SH2D3C: variants seen among roughly 807,000 people sequenced by gnomAD.
The protein encoded by SH2D3C is SH2 domain-containing protein 3C.
A neutral mutation model predicts 75.2 loss-of-function variants in SH2D3C; 25 were observed. The observed-to-expected ratio is 0.33, with a 90% confidence interval of 0.24 to 0.46. The LOEUF is 0.46. Among genes scored for constraint, SH2D3C ranks in the 20% least tolerant of loss-of-function variants. The pLI is 1.00. For synonymous variants in SH2D3C, 450 were observed against 473.7 expected, an observed-to-expected ratio of 0.95 and a Z score of 0.65; for missense variants, 933 against 1,165.3, an observed-to-expected ratio of 0.80 and a Z score of 2.90.
chr9:127,757,153 G>A (rs140257157), intron 3 of SH2D3C, among the ~76,000 whole-genome samples: 6 of 149,632 alleles, frequency 4.0e-5, no homozygotes, highest in Non-Finnish European at 8.9e-5. Context: ...ATGTTGGCCA[G>A]GCTGGTCTTG....
chr9:127,766,290 C>T (rs1220724451), intron 2 of SH2D3C, among the ~76,000 whole-genome samples: 2 of 152,256 alleles, frequency 1.3e-5, no homozygotes, highest in African/African-American at 4.8e-5. Context: ...GGAGACCTCC[C>T]CAACCTCTGC....
intron 2 of SH2D3C, among the ~76,000 whole-genome samples, chr9:127,767,943 G>C (rs1845665557): frequency 6.6e-6 from 1 of 152,200 alleles, no homozygotes; most frequent in African/African-American, 2.4e-5. Context: ...GCCTGCAACT[G>C]GGTCCCCTGG....
At chr9:127,772,463 C>T (rs1450461121) in intron 2 of SH2D3C, among the ~76,000 whole-genome samples, 1 of 152,078 alleles carries the variant, frequency 6.6e-6, no homozygotes, top group Non-Finnish European at 1.5e-5. Flanking sequence ...AGGCTGGTCT[C>T]TTTGGCCAGG....
chr9:127,760,712 T>C lies in SH2D3C; in HGVS notation c.555+899A>G, dbSNP rs113723633. On this transcript the variant is annotated intron_variant, in intron 3 of 11. Coordinates refer to ENST00000314830, the MANE Select transcript of SH2D3C (RefSeq NM_170600.3). ...GCACAAGAAGGCTCTCCCTACCCAG[T>C]GATGAGGGAGAAAATCAAATACCTC... Among the ~76,000 whole-genome samples the C allele has an allele frequency of 8.9e-3, 1,360 of 152,144 alleles. 11 individuals are homozygous for C. The highest frequency in any genetic ancestry group is 0.014 in the Non-Finnish European group (971 of 68,002).
rs770369098 is a variant in SH2D3C at position 127,749,635 on chromosome 9, C to T, written c.715G>A (p.Asp239Asn). The T allele has an allele frequency of 3.2e-6, 5 of 1,569,148 alleles. No homozygotes were observed. The highest frequency in any genetic ancestry group is 1.4e-5 in the African/African-American group (1 of 73,828). ...VSETLVQRNG[D>N]FLIRDSLTSL... Reference sequence around the variant, plus strand: ...GTGAGTGAGTCCCGGATGAGGAAGTCGCCGTTGCGTTGTACCAAGGTCTCC... The same window carrying T: ...GTGAGTGAGTCCCGGATGAGGAAGTTGCCGTTGCGTTGTACCAAGGTCTCC... The change falls in exon 5 of 12, where the codon GAC (aspartate) becomes AAC (asparagine). Residue 239 changes from aspartate to asparagine, a missense_variant. Asp to Asn is a conservative substitution (Grantham distance 23). Transcript: ENST00000314830. This position sits in a 1 kb window ranked among gnomAD's most constrained non-coding sequence, Gnocchi z 5.9.
chr9:127,747,962 C>G (rs1218187715), intron 5 of SH2D3C, among the ~76,000 whole-genome samples: 3 of 152,162 alleles, frequency 2.0e-5, no homozygotes, highest in Non-Finnish European at 2.9e-5. Context: ...CCAGCTGAGC[C>G]AACACTTCTC....
chr9:127,749,201 C>G lies in SH2D3C; in HGVS notation c.1139+10G>C, dbSNP rs377345507. 1 of 1,539,700 alleles carries G rather than the reference C, an allele frequency of 6.5e-7. No homozygotes were observed. The highest frequency in any genetic ancestry group is 1.4e-5 in the African/African-American group (1 of 73,232). ...CACAACCCCATTTGACAAATGGGGC[C>G]CTGGCTGACCTGGTGGGGCAGCCAT... On this transcript the variant is annotated intron_variant, in intron 5 of 11. Transcript: ENST00000314830. This position sits in a 1 kb window ranked among gnomAD's most constrained non-coding sequence, Gnocchi z 5.9.
At chr9:127,766,572 T>C (rs1356980872) in intron 2 of SH2D3C, among the ~76,000 whole-genome samples, 3 of 152,064 alleles carry the variant, frequency 2.0e-5, no homozygotes, top group Non-Finnish European at 4.4e-5. Flanking sequence ...TGTTTGTTTG[T>C]TTGTTTGTTT....
At chr9:127,777,830 A>T (rs1446266951) in intron 1 of SH2D3C, among the ~76,000 whole-genome samples, 1 of 152,082 alleles carries the variant, frequency 6.6e-6, no homozygotes, top group Non-Finnish European at 1.5e-5. Flanking sequence ...AGAAGCAGAG[A>T]CGTCTGCAGA....
intron 8 of SH2D3C, 162 bp downstream of exon 8, chr9:127,742,687 G>A (rs1844898472): frequency 3.5e-6 from 2 of 578,804 alleles, no homozygotes; most frequent in Non-Finnish European, 6.2e-6. Context: ...AGCCTGTTTA[G>A]AGCGGGTTAT....
intron 2 of SH2D3C, among the ~76,000 whole-genome samples, chr9:127,770,072 G>A (rs61411383): frequency 0.089 from 13,603 of 152,114 alleles, 1,440 homozygotes; most frequent in African/African-American, 0.26. Context: ...ATTGAGGAGG[G>A]AGGGTGCCTC....
chr9:127,753,669 C>T (rs1001940266), intron 3 of SH2D3C, among the ~76,000 whole-genome samples: 2 of 152,202 alleles, frequency 1.3e-5, no homozygotes, highest in Non-Finnish European at 1.5e-5. Flanking sequence ...TCTCACTCTG[C>T]GGTGCTCACA....
At chr9:127,776,967 C>T (rs1302926823) in intron 1 of SH2D3C, among the ~76,000 whole-genome samples, 1 of 152,182 alleles carries the variant, frequency 6.6e-6, no homozygotes, top group Non-Finnish European at 1.5e-5. Context: ...TTCTCAGCAC[C>T]ACTGGTTTTG....
At chr9:127,764,701 T>G (rs1845600495) in intron 2 of SH2D3C, among the ~76,000 whole-genome samples, 1 of 152,094 alleles carries the variant, frequency 6.6e-6, no homozygotes, top group Non-Finnish European at 1.5e-5. Context: ...TGCTCTTTGT[T>G]GTTGTTGTTG....
chr9:127,739,615 G>A lies in SH2D3C; in HGVS notation c.2407+67C>T. On this transcript the variant is annotated intron_variant, in intron 11 of 11. Coordinates refer to ENST00000314830, the MANE Select transcript of SH2D3C (RefSeq NM_170600.3). The surrounding 1 kb of genome is among the most constrained non-coding windows in gnomAD (Gnocchi z 4.3). ...GTGAATGGATGCCTTGGAGAAAAGGGAAGCAGTGAGGCAGGTGGAGGGAGG... is the reference window on the plus strand; with the variant it reads ...GTGAATGGATGCCTTGGAGAAAAGGAAAGCAGTGAGGCAGGTGGAGGGAGG... The A allele has an allele frequency of 7.0e-7, 1 of 1,424,224 alleles. No individual in the cohort carries two copies. Among genetic ancestry groups the A allele is most frequent in the Non-Finnish European group, 9.7e-7 (1 of 1,033,612 alleles). The allele number at this position is 1,424,224 out of a possible 1,614,324, so 88.2% of individuals were successfully genotyped here.
intron 3 of SH2D3C, among the ~76,000 whole-genome samples, chr9:127,755,583 G>C (rs1373935055): frequency 6.6e-6 from 1 of 152,184 alleles, no homozygotes; most frequent in African/African-American, 2.4e-5. Flanking sequence ...CAGAGACTTT[G>C]AATTAAATCA....
rs1845774193 is a variant in SH2D3C at position 127,774,010 on chromosome 9, G to A, written c.495C>T (p.Pro165=). The change falls in exon 2 of 12, where the codon CCC becomes CCT. Residue 165 remains proline (P), a synonymous_variant. Transcript: ENST00000314830. This position sits in a 1 kb window ranked among gnomAD's most constrained non-coding sequence, Gnocchi z 4.3. ...CCTACCTTTCTGAGTGCACGTCCCT[G>A]GGAGGTCTCTCCTCTTCTACGTCTC... The part of the protein sequence containing the change: ...PTGDVEEERP[P]RDVHSERAAG... The A allele has an allele frequency of 6.2e-7, 1 of 1,612,048 alleles. No homozygotes were observed. Among genetic ancestry groups the A allele is most frequent in the Middle Eastern group, 1.7e-4 (1 of 6,026 alleles).
At chr9:127,742,074 A>T in intron 8 of SH2D3C, 115 bp from the exon 9 acceptor site, 1 of 996,662 alleles carries the variant, frequency 1.0e-6, no homozygotes, top group Non-Finnish European at 1.4e-6. Flanking sequence ...CCAACGTGAG[A>T]GGTTGTAAGG....
Position 127,739,969 on chromosome 9 carries a change from G to C in SH2D3C, c.2201-81C>G. ...TGCAGTCCTGGAAGCTGAGGTGCAGGAGGGAACGGGCCTGGCTGAGGTCCG... is the reference window on the plus strand; with the variant it reads ...TGCAGTCCTGGAAGCTGAGGTGCAGCAGGGAACGGGCCTGGCTGAGGTCCG... On this transcript the variant is annotated intron_variant, in intron 10 of 11. Coordinates refer to ENST00000314830, the MANE Select transcript of SH2D3C (RefSeq NM_170600.3). This position sits in a 1 kb window ranked among gnomAD's most constrained non-coding sequence, Gnocchi z 4.3. 1 of 1,326,224 alleles carries C rather than the reference G, an allele frequency of 7.5e-7. No individual in the cohort carries two copies. Among genetic ancestry groups the C allele is most frequent in the Non-Finnish European group, 1.0e-6 (1 of 980,672 alleles). 82.2% of individuals were successfully genotyped at this position (1,326,224 alleles called of 1,614,324 possible).
Sources: allele counts gnomAD v4.1 joint callset (sites outside exome capture counted in the v4.1 genomes callset), GRCh38; gene constraint gnomAD v4.1.1; non-coding constraint Gnocchi (gnomAD v3.1); transcripts MANE v1.5; gene names NCBI Gene and HGNC (gene_info 2026-07-23, HGNC 2026-07-21).